The following GUCY2F variants were observed in gnomAD, a reference collection of about 807,000 sequenced individuals.
The protein encoded by GUCY2F is retinal guanylyl cyclase 2.
Under a neutral mutation model 73.1 loss-of-function variants are expected in GUCY2F, and 61 were observed. The ratio of observed to expected loss-of-function variants is 0.83; its 90% confidence interval spans 0.68 to 1.03. GUCY2F has a LOEUF of 1.03. Among genes scored for constraint, GUCY2F ranks in the 50% least tolerant of loss-of-function variants. GUCY2F has a pLI of 0.00. For missense variants in GUCY2F, 912 were observed against 854.3 expected (o/e 1.07, Z -0.84); for synonymous variants, 331 against 307.8 (o/e 1.08, Z -0.79).
chrX:109,445,789 G>T, intron 6 of GUCY2F, among the ~76,000 whole-genome samples: 1 of 111,685 alleles, frequency 9.0e-6, no homozygotes, highest in South Asian at 3.8e-4. Flanking sequence ...TCAGGCAGAA[G>T]AAAGAAATAA....
At position 109,465,133 on chromosome X, in the gene GUCY2F, TG is replaced by T; in HGVS notation, c.1032+8del. 8.5e-7 allele frequency: 1 copy of T among 1,179,341 alleles called. No homozygotes were observed. The highest frequency in any genetic ancestry group is 1.2e-6 in the Non-Finnish European group (1 of 868,095). ...CTCAGCTCATGACAACCTATGAATG[TG>T]TACTTACTTGATCGAACTCCAGCTT... On this transcript the variant is annotated splice_region_variant and intron_variant, in intron 3 of 19. Coordinates refer to ENST00000218006, the MANE Select transcript of GUCY2F (RefSeq NM_001522.3).
At chrX:109,393,229 T>A (rs181977040) in intron 12 of GUCY2F, among the ~76,000 whole-genome samples, 174 bp from the exon 13 acceptor site, 2 of 109,323 alleles carry the variant, frequency 1.8e-5, no homozygotes, top group East Asian at 5.9e-4. Flanking sequence ...CTGACCCATT[T>A]ACAGGGCACT....
At chrX:109,421,935 T>C (rs1363784689) in intron 8 of GUCY2F, among the ~76,000 whole-genome samples, 1 of 111,828 alleles carries the variant, frequency 8.9e-6, no homozygotes, top group Admixed American at 9.5e-5. Flanking sequence ...CAAAATCATA[T>C]GTTAATCTTA....
chrX:109,392,826 CT>C (rs986536816), intron 13 of GUCY2F, 65 bp downstream of exon 13: 1 of 714,409 alleles, frequency 1.4e-6, no homozygotes, highest in African/African-American at 2.2e-5. Context: ...TTTTTTCTTT[CT>C]CTTTTTTTTT....
chrX:109,451,975 C>A (rs1403742000), intron 5 of GUCY2F, 48 bp downstream of exon 5: 1 of 655,054 alleles, frequency 1.5e-6, no homozygotes, highest in South Asian at 2.2e-5. Flanking sequence ...ATTAACAAGG[C>A]TAATATGGGC....
At chrX:109,426,818 G>C (rs1343479492) in intron 8 of GUCY2F, among the ~76,000 whole-genome samples, 1 of 112,331 alleles carries the variant, frequency 8.9e-6, no homozygotes, top group Non-Finnish European at 1.9e-5. Context: ...GAATGAAATA[G>C]TCAAGATATA....
At chrX:109,439,845 C>T (rs958373254) in intron 7 of GUCY2F, among the ~76,000 whole-genome samples, 2 of 111,904 alleles carry the variant, frequency 1.8e-5, no homozygotes, top group African/African-American at 6.5e-5. Context: ...ATTCTGTTCA[C>T]GACCACTTAA....
chrX:109,398,025 T>C (rs1930751855), intron 11 of GUCY2F, among the ~76,000 whole-genome samples: 1 of 111,309 alleles, frequency 9.0e-6, no homozygotes, highest in Admixed American at 9.6e-5. Flanking sequence ...CCATTTGCAA[T>C]TTGTAAGTAT....
chrX:109,380,890 T>C (rs1322236280), intron 17 of GUCY2F, among the ~76,000 whole-genome samples: 2 of 112,161 alleles, frequency 1.8e-5, no homozygotes, highest in African/African-American at 6.5e-5. Flanking sequence ...CAAGCTGCAT[T>C]TCTACTCCTC....
At chrX:109,388,338 T>G in intron 15 of GUCY2F, 151 bp downstream of exon 15, 1 of 456,301 alleles carries the variant, frequency 2.2e-6, no homozygotes, top group Non-Finnish European at 3.8e-6. Context: ...GGGAGGAGAG[T>G]AAATTTGGGT....
At chrX:109,470,552 T>C (rs1177802112) in intron 2 of GUCY2F, among the ~76,000 whole-genome samples, 1 of 111,615 alleles carries the variant, frequency 9.0e-6, no homozygotes, top group Non-Finnish European at 1.9e-5. Context: ...ATGCCACATA[T>C]AGAACACAGG....
chrX:109,436,498 C>T (rs1317980722), intron 7 of GUCY2F, among the ~76,000 whole-genome samples: 216 of 111,108 alleles, frequency 1.9e-3, no homozygotes, highest in African/African-American at 2.7e-3. Context: ...ATGTTTATTG[C>T]GGCACTATTC....
chrX:109,440,737 T>A (rs1214738835), intron 7 of GUCY2F, among the ~76,000 whole-genome samples: 3 of 112,237 alleles, frequency 2.7e-5, no homozygotes, highest in Non-Finnish European at 5.6e-5. Context: ...TTTGTTCTGG[T>A]TGCCAAATTC....
chrX:109,448,029 C>T (rs1383335991), intron 6 of GUCY2F, 40 bp downstream of exon 6: 1 of 646,386 alleles, frequency 1.5e-6, no homozygotes, highest in East Asian at 3.3e-5. Context: ...TTGTGGCTAC[C>T]ATGTTGGACA....
chrX:109,421,085 T>C (rs1443889134), intron 8 of GUCY2F, among the ~76,000 whole-genome samples: 1 of 111,643 alleles, frequency 9.0e-6, no homozygotes, highest in Non-Finnish European at 1.9e-5. Context: ...TTAACCCCAT[T>C]ATGATGGCTA....
intron 10 of GUCY2F, 116 bp downstream of exon 10, chrX:109,404,212 G>A: frequency 1.7e-6 from 1 of 584,737 alleles, no homozygotes; most frequent in East Asian, 3.5e-5. Context: ...AATGAGGCTG[G>A]ATTTTCAACA....
At chrX:109,427,476 T>G (rs932262841) in intron 8 of GUCY2F, among the ~76,000 whole-genome samples, 1 of 112,183 alleles carries the variant, frequency 8.9e-6, no homozygotes, top group African/African-American at 3.2e-5. Context: ...CTCTGTGGCC[T>G]TCTGACTCCA....
rs1316680854 is a variant in GUCY2F, at chrX:109,398,349, C to T, written c.2275+200G>A. On this transcript the variant is annotated intron_variant, in intron 11 of 19. Transcript: ENST00000218006. The stretch of plus-strand genomic sequence containing the variant: ...TTTTACATCACAGTCTGAAAAAAGG[C>T]CAGCTTCTTGGGTGGCGAAATTTCT... Among the ~76,000 whole-genome samples, 17 of 111,598 alleles carry T rather than the reference C, an allele frequency of 1.5e-4. No individual in the cohort carries two copies. In the Admixed American group the frequency reaches 1.6e-3, roughly 11 times the overall value.
intron 8 of GUCY2F, among the ~76,000 whole-genome samples, chrX:109,428,168 A>G (rs1181892147): frequency 8.9e-6 from 1 of 112,249 alleles, no homozygotes; most frequent in East Asian, 2.8e-4. Context: ...GATGAAGAAC[A>G]GGATATTTAC....
Sources: gnomAD v4.1 joint callset for allele counts (sites outside exome capture counted in the v4.1 genomes callset) on GRCh38, gnomAD v4.1.1 for gene constraint, MANE v1.5 for transcripts, NCBI Gene and HGNC (gene_info 2026-07-23, HGNC 2026-07-21) for gene names.